Variants in RPSA2 observed in about 807,000 individuals in gnomAD.
RPSA2 encodes the protein small ribosomal subunit protein uS2B.
chr19:23,762,278 C>G, the RPSA2 span, among the ~76,000 whole-genome samples: 2 of 151,942 alleles, frequency 1.3e-5, no homozygotes, highest in Non-Finnish European at 2.9e-5. Flanking sequence ...CGCCTTATTT[C>G]TAATGGCCAT....
the RPSA2 span, among the ~76,000 whole-genome samples, chr19:23,824,580 C>CTT: frequency 6.3e-5 from 4 of 63,824 alleles, no homozygotes; most frequent in Non-Finnish European, 8.4e-5. Context: ...TATAGCATTT[C>CTT]TTTTTTTTTT....
chr19:23,831,350 A>G, the RPSA2 span, among the ~76,000 whole-genome samples: 1 of 152,070 alleles, frequency 6.6e-6, no homozygotes, highest in Non-Finnish European at 1.5e-5. Context: ...TGAATTTAAC[A>G]CTTCCTTTTT....
At chr19:23,834,656 A>G in the RPSA2 span, among the ~76,000 whole-genome samples, 148,831 of 152,162 alleles carry the variant, frequency 0.98, 72,879 homozygotes, top group Middle Eastern at 1. Context: ...ATATTTTTAA[A>G]TTATAAATTA....
the RPSA2 span, among the ~76,000 whole-genome samples, chr19:23,834,142 G>A: frequency 2.1e-4 from 32 of 152,032 alleles, no homozygotes; most frequent in African/African-American, 7.7e-4. Context: ...TCAGAGTGCT[G>A]CGTATAAAAA....
At chr19:23,832,920 G>T in the RPSA2 span, 1 of 1,535,816 alleles carries the variant, frequency 6.5e-7, no homozygotes, top group Middle Eastern at 1.8e-4. Context: ...CTTTTAACCT[G>T]TCTTCAAGCT....
At chr19:23,859,710 G>T in the RPSA2 span, among the ~76,000 whole-genome samples, 8 of 152,204 alleles carry the variant, frequency 5.3e-5, no homozygotes, top group Middle Eastern at 3.4e-3. Context: ...ATTCATATAA[G>T]CTTTTGGCAT....
chr19:23,865,818 G>C, the RPSA2 span, among the ~76,000 whole-genome samples: 2 of 152,136 alleles, frequency 1.3e-5, no homozygotes, highest in African/African-American at 2.4e-5. Flanking sequence ...ACACACTCTT[G>C]TAGAGTTTAA....
chr19:23,839,087 C>A, the RPSA2 span, among the ~76,000 whole-genome samples: 1 of 152,064 alleles, frequency 6.6e-6, no homozygotes. Flanking sequence ...TATGAACTTT[C>A]CTGTTAGTAC....
chr19:23,858,259 G>A, the RPSA2 span, among the ~76,000 whole-genome samples: 1 of 113,384 alleles, frequency 8.8e-6, no homozygotes, highest in African/African-American at 3.4e-5. Flanking sequence ...GAGAAGGTAG[G>A]TAGGGTGGGG....
chr19:23,843,619 C>G, the RPSA2 span, among the ~76,000 whole-genome samples: 1 of 152,136 alleles, frequency 6.6e-6, no homozygotes, highest in Non-Finnish European at 1.5e-5. Flanking sequence ...CATGTTAGAT[C>G]ATTTGTTAGG....
chr19:23,855,657 TGA>T, the RPSA2 span, among the ~76,000 whole-genome samples: 1 of 151,990 alleles, frequency 6.6e-6, no homozygotes, highest in African/African-American at 2.4e-5. Flanking sequence ...CAGACTGGTA[TGA>T]GAGTGTGAGA....
At chr19:23,821,654 CTT>C in the RPSA2 span, among the ~76,000 whole-genome samples, 1 of 152,176 alleles carries the variant, frequency 6.6e-6, no homozygotes, top group African/African-American at 2.4e-5. Flanking sequence ...CTGGGGGCCT[CTT>C]TGTTTCATAG....
At chr19:23,834,028 C>G in the RPSA2 span, among the ~76,000 whole-genome samples, 6 of 152,016 alleles carry the variant, frequency 3.9e-5, no homozygotes, top group East Asian at 9.7e-4. Context: ...TTTGCAGGTG[C>G]AGTAAAGATG....
At chr19:23,796,033 G>A in the RPSA2 span, among the ~76,000 whole-genome samples, 2 of 152,160 alleles carry the variant, frequency 1.3e-5, no homozygotes, top group Non-Finnish European at 2.9e-5. Context: ...CCAAAGTGCT[G>A]GAATTACAGG....
chr19:23,857,175 G>C, the RPSA2 span, among the ~76,000 whole-genome samples: 1 of 152,108 alleles, frequency 6.6e-6, no homozygotes, highest in African/African-American at 2.4e-5. Context: ...AGAATTTAGC[G>C]ATATCTGCAC....
At chr19:23,771,395 A>T in the RPSA2 span, among the ~76,000 whole-genome samples, 28 of 152,334 alleles carry the variant, frequency 1.8e-4, no homozygotes, top group African/African-American at 6.0e-4. Flanking sequence ...ACAAATCCAG[A>T]CCGTCATTGA....
chr19:23,847,149 A>G, the RPSA2 span, among the ~76,000 whole-genome samples: 1 of 150,808 alleles, frequency 6.6e-6, no homozygotes, highest in Non-Finnish European at 1.5e-5. Flanking sequence ...CTATTATTGA[A>G]TTTTTGAATG....
At chr19:23,840,802 CA>C in the RPSA2 span, among the ~76,000 whole-genome samples, 120 of 149,456 alleles carry the variant, frequency 8.0e-4, no homozygotes, top group African/African-American at 2.9e-3. Flanking sequence ...TACTAAAATA[CA>C]AAAAAAAAAT....
the RPSA2 span, chr19:23,827,102 A>T: frequency 1.3e-6 from 1 of 748,884 alleles, no homozygotes; most frequent in Non-Finnish European, 2.3e-6. Flanking sequence ...CGCTACCTGC[A>T]GAGGGGTCCA....
Sources: allele counts gnomAD v4.1 joint callset (sites outside exome capture counted in the v4.1 genomes callset), GRCh38; gene constraint gnomAD v4.1.1; transcripts MANE v1.5; gene names NCBI Gene and HGNC (gene_info 2026-07-23, HGNC 2026-07-21).